The following FAM168B variants were observed in gnomAD, a reference collection of about 807,000 sequenced individuals.
FAM168B encodes the protein myelin-associated neurite-outgrowth inhibitor.
Under a neutral mutation model 21.8 loss-of-function variants are expected in FAM168B, and 19 were observed. The observed-to-expected ratio is 0.87, with a 90% CI of 0.61 to 1.28. The LOEUF (loss-of-function observed/expected upper bound fraction) is 1.28. Among genes scored for constraint, FAM168B ranks in the 50% most tolerant of loss-of-function variants. The probability of loss-of-function intolerance (pLI) is 0.00; values close to 1 mark genes in which losing one functional copy is unlikely to be tolerated. For missense variants in FAM168B, 233 were observed against 263.1 expected (o/e 0.89, Z 0.79); for synonymous variants, 126 against 104.8 (o/e 1.20, Z -1.24).
chr2:131,077,772 A>G (rs1693232119), intron 2 of FAM168B, among the ~76,000 whole-genome samples: 1 of 152,194 alleles, frequency 6.6e-6, no homozygotes, highest in Admixed American at 6.5e-5. Context: ...AAAACCAGTT[A>G]AAGTCTGCTT....
chr2:131,064,234 CA>C (rs1251054797), intron 3 of FAM168B, among the ~76,000 whole-genome samples: 1 of 151,684 alleles, frequency 6.6e-6, no homozygotes. Flanking sequence ...TTAAATAGGT[CA>C]TTTTTTTTTT....
chr2:131,078,229 G>A (rs1197537187), intron 2 of FAM168B, among the ~76,000 whole-genome samples: 1 of 152,190 alleles, frequency 6.6e-6, no homozygotes, highest in Non-Finnish European at 1.5e-5. Context: ...ACTGCAGTTA[G>A]CAAACAGTTT....
At chr2:131,055,928 A>G (rs1692000504) in intron 3 of FAM168B, among the ~76,000 whole-genome samples, 1 of 152,198 alleles carries the variant, frequency 6.6e-6, no homozygotes, top group Non-Finnish European at 1.5e-5. Flanking sequence ...AAAAATACCA[A>G]AAGAGAACGT....
At chr2:131,056,679 G>A (rs750775587) in intron 3 of FAM168B, among the ~76,000 whole-genome samples, 10 of 152,176 alleles carry the variant, frequency 6.6e-5, no homozygotes, top group Non-Finnish European at 1.2e-4. Context: ...TGGCCCAGAT[G>A]CCCACCAGGA....
At chr2:131,070,447 A>T (rs1209668702) in intron 3 of FAM168B, among the ~76,000 whole-genome samples, 1 of 152,232 alleles carries the variant, frequency 6.6e-6, no homozygotes, top group African/African-American at 2.4e-5. Context: ...CACTGCTGGT[A>T]GGAATGTAAA....
At position 131,048,158 on chromosome 2, in the gene FAM168B, G is replaced by A. The variant is rs1191162720; in HGVS notation, c.*4307C>T. ...GTACCGAGAGAACGGTGTAAAAAAC[G>A]GTATTTAAAAATCATTTTTAAAAAA... On this transcript the variant is annotated 3_prime_UTR_variant, in exon 7 of 7. Coordinates refer to ENST00000389915, the MANE Select transcript of FAM168B (RefSeq NM_001009993.4). 1.2e-5 allele frequency: 15 copies of A among 1,244,112 alleles called. No individual in the cohort carries two copies. Among genetic ancestry groups the A allele is most frequent in the African/African-American group, 1.1e-4 (7 of 63,700 alleles). The allele number at this position is 1,244,112 out of a possible 1,614,324, so 77.1% of individuals were successfully genotyped here.
rs1259913497 is a variant in FAM168B, at chr2:131,049,143, AGTTGCT to A, written c.*3316_*3321del. On this transcript the variant is annotated 3_prime_UTR_variant, in exon 7 of 7. Transcript: ENST00000389915. ...CACTGACAGGTATTAGTACGTCGCA[AGTTGCT>A]GTAATAATGTATTTCCTCTCGTTAC... 3.0e-6 allele frequency: 3 copies of A among 985,298 alleles called. No individual in the cohort carries two copies. The highest frequency in any genetic ancestry group is 3.6e-6 in the Non-Finnish European group (3 of 829,946). The allele number at this position is 985,298 out of a possible 1,614,324, so 61.0% of individuals were successfully genotyped here. A position where few individuals can be genotyped will look rare whatever the true frequency, so the allele number is the denominator to read the frequency against.
Position 131,048,129 on chromosome 2 carries a change from A to G in FAM168B, c.*4336T>C. 8.4e-7 allele frequency: 1 copy of G among 1,192,900 alleles called. No homozygotes were observed. Among genetic ancestry groups the G allele is most frequent in the Middle Eastern group, 2.4e-4 (1 of 4,100 alleles). 73.9% of individuals were successfully genotyped at this position (1,192,900 alleles called of 1,614,324 possible). Reference sequence around the variant, plus strand: ...GAAGACAATGCTGACTTAGCTTAAAAAAAGTACCGAGAGAACGGTGTAAAA... The same window carrying G: ...GAAGACAATGCTGACTTAGCTTAAAGAAAGTACCGAGAGAACGGTGTAAAA... On this transcript the variant is annotated 3_prime_UTR_variant, in exon 7 of 7. Transcript: ENST00000389915.
At chr2:131,067,537 T>C (rs1340064760) in intron 3 of FAM168B, among the ~76,000 whole-genome samples, 1 of 152,074 alleles carries the variant, frequency 6.6e-6, no homozygotes, top group Non-Finnish European at 1.5e-5. Flanking sequence ...GCTCAGGAAT[T>C]TGAAACCAGC....
intron 3 of FAM168B, among the ~76,000 whole-genome samples, chr2:131,060,260 G>A (rs1012775565): frequency 6.6e-6 from 1 of 152,138 alleles, no homozygotes; most frequent in East Asian, 1.9e-4. Context: ...TCCCAACCTC[G>A]TGATCCGCCT....
At position 131,048,219 on chromosome 2, in the gene FAM168B, A is replaced by G; in HGVS notation, c.*4246T>C. 4 of 1,293,432 alleles carry G rather than the reference A, an allele frequency of 3.1e-6. No homozygotes were observed. The highest frequency in any genetic ancestry group is 1.1e-4 in the East Asian group (2 of 17,684). The allele number at this position is 1,293,432 out of a possible 1,614,324, so 80.1% of individuals were successfully genotyped here. ...ACCGTTTCTTCTTTAGTTACAATCC[A>G]TGAGGCTCTCTAGGGCCTCTCCGTG... On this transcript the variant is annotated 3_prime_UTR_variant, in exon 7 of 7. Transcript: ENST00000389915.
intron 1 of FAM168B, among the ~76,000 whole-genome samples, chr2:131,088,011 C>T (rs1316513921): frequency 3.3e-5 from 5 of 152,032 alleles, no homozygotes; most frequent in African/African-American, 9.7e-5. Flanking sequence ...TTTGGGAGGC[C>T]GATGAGGGCG....
rs1255752720 is a variant in FAM168B, at chr2:131,048,148, T to G, written c.*4317A>C. On this transcript the variant is annotated 3_prime_UTR_variant, in exon 7 of 7. Coordinates refer to ENST00000389915, the MANE Select transcript of FAM168B (RefSeq NM_001009993.4). ...CTTAAAAAAAGTACCGAGAGAACGG[T>G]GTAAAAAACGGTATTTAAAAATCAT... The G allele has an allele frequency of 8.1e-7, 1 of 1,232,268 alleles. No individual in the cohort carries two copies. Among genetic ancestry groups the G allele is most frequent in the Non-Finnish European group, 1.1e-6 (1 of 947,364 alleles). The allele number at this position is 1,232,268 out of a possible 1,614,324, so 76.3% of individuals were successfully genotyped here.
intron 1 of FAM168B, among the ~76,000 whole-genome samples, chr2:131,090,761 C>T (rs960257102): frequency 6.6e-6 from 1 of 152,110 alleles, no homozygotes; most frequent in African/African-American, 2.4e-5. Context: ...TGGAGTCTCG[C>T]TTTGTTGCCC....
rs1441364323 is a variant in FAM168B at position 131,080,188 on chromosome 2, G to A, written c.70+2389C>T. On this transcript the variant is annotated intron_variant, in intron 2 of 6. Transcript: ENST00000389915. ...CTCCAGAGAGAAACATGTAAATAGA[G>A]AAAGCAATGAAGAGCACCAAAAACA... Among the ~76,000 whole-genome samples the A allele has an allele frequency of 4.0e-5, 6 of 151,794 alleles. 1 individual carries two copies. The South Asian group carries it at 1.2e-3, about 32-fold the overall frequency.
Position 131,048,779 on chromosome 2 carries a change from A to G in FAM168B, c.*3686T>C, listed in dbSNP as rs1314194521. 1.0e-6 allele frequency: 1 copy of G among 986,452 alleles called. No individual in the cohort carries two copies. Among genetic ancestry groups the G allele is most frequent in the East Asian group, 1.1e-4 (1 of 8,850 alleles). 61.1% of individuals were successfully genotyped at this position (986,452 alleles called of 1,614,324 possible). A position where few individuals can be genotyped will look rare whatever the true frequency, so the allele number is the denominator to read the frequency against. ...CCCCAGGCCAACCACACTCTGCTTT[A>G]GAGACCCTCTCAGAAAGCACCAGAG... On this transcript the variant is annotated 3_prime_UTR_variant, in exon 7 of 7. Transcript: ENST00000389915.
chr2:131,078,649 A>G (rs1049459987), intron 2 of FAM168B, among the ~76,000 whole-genome samples: 6 of 152,306 alleles, frequency 3.9e-5, no homozygotes, highest in African/African-American at 1.4e-4. Context: ...AGCAAGGTAC[A>G]CGGGTTGGGG....
chr2:131,077,282 G>A (rs1051934285), intron 2 of FAM168B, among the ~76,000 whole-genome samples: 5 of 151,124 alleles, frequency 3.3e-5, no homozygotes, highest in Non-Finnish European at 5.9e-5. Flanking sequence ...CTTACAAAGC[G>A]AAGTGAGCAA....
intron 1 of FAM168B, among the ~76,000 whole-genome samples, chr2:131,086,015 G>A (rs1464582480): frequency 2.6e-5 from 4 of 152,182 alleles, no homozygotes; most frequent in Admixed American, 1.3e-4. Flanking sequence ...TCAGAGTAGG[G>A]AGGAAACAAG....
Sources: gnomAD v4.1 joint callset for allele counts (sites outside exome capture counted in the v4.1 genomes callset) on GRCh38, gnomAD v4.1.1 for gene constraint, MANE v1.5 for transcripts, NCBI Gene and HGNC (gene_info 2026-07-23, HGNC 2026-07-21) for gene names.